BTD: variants seen among roughly 807,000 people sequenced by gnomAD.
BTD encodes the protein biocytinase.
BTD carries 13 observed loss-of-function variants against 17.7 expected under a neutral mutation model. That is an observed-to-expected ratio of 0.74 (90% CI 0.48 to 1.17). BTD has a LOEUF of 1.17. BTD is among the 50% of genes most tolerant of loss of function. The pLI, the probability that BTD is intolerant of heterozygous loss-of-function variation, is 0.00. For missense variants in BTD, 674 were observed against 650.4 expected, an observed-to-expected ratio of 1.04 and a Z score of -0.39; for synonymous variants, 240 against 245.2, an observed-to-expected ratio of 0.98 and a Z score of 0.20.
In BTD at chr3:15,642,041, G is replaced by A. The variant is rs367902696; in HGVS notation, c.383G>A (p.Arg128His). Residue 128 changes from arginine (R) to histidine (H), a missense_variant, in exon 3 of 4, where the codon CGC becomes CAC. Transcript: ENST00000643237. ...VRWNPCLEPH[R>H]FNDTEVLQRL... ...TGGAACCCATGCCTGGAGCCTCACC[G>A]CTTCAATGACACAGAGGTGATTCCT... 8.6e-5 allele frequency: 138 copies of A among 1,614,004 alleles called. No homozygotes were observed. The highest frequency in any genetic ancestry group is 1.0e-4 in the Non-Finnish European group (121 of 1,180,014).
chr3:15,631,744 C>G (rs1176488631), intron 1 of BTD, among the ~76,000 whole-genome samples: 2 of 152,188 alleles, frequency 1.3e-5, no homozygotes, highest in African/African-American at 4.8e-5. Context: ...CCAAGTGTTT[C>G]CTGTCTCCCA....
chr3:15,670,685 AACC>A, intron 3 of BTD: 1 of 969,176 alleles, frequency 1.0e-6, no homozygotes, highest in Non-Finnish European at 1.5e-6. Context: ...AAATTGCTGT[AACC>A]AGCATGATTC....
chr3:15,604,654 C>T (rs908425550), intron 1 of BTD, among the ~76,000 whole-genome samples: 1 of 152,200 alleles, frequency 6.6e-6, no homozygotes, highest in African/African-American at 2.4e-5. Flanking sequence ...GCAGATTTTT[C>T]AAATTTGTAT....
At chr3:15,611,949 A>G (rs1202323689) in intron 1 of BTD, among the ~76,000 whole-genome samples, 2 of 151,366 alleles carry the variant, frequency 1.3e-5, no homozygotes, top group Admixed American at 1.3e-4. Context: ...TTTTTTTCTT[A>G]ATTAGGCTAG....
chr3:15,615,669 C>T (rs1166432471), intron 1 of BTD, among the ~76,000 whole-genome samples: 1 of 152,174 alleles, frequency 6.6e-6, no homozygotes, highest in Non-Finnish European at 1.5e-5. Context: ...TACATATACT[C>T]CCTGTCCTGA....
Position 15,662,871 on chromosome 3 carries a change from T to TA in BTD, c.399+20816dup, listed in dbSNP as rs71045176. Among the ~76,000 whole-genome samples, 3 of 148,472 alleles carry TA rather than the reference T, an allele frequency of 2.0e-5. No individual in the cohort carries two copies. In the Admixed American group the frequency reaches 2.0e-4, roughly 10 times the overall value. Reference sequence around the variant, plus strand: ...GCTGGAGGTTTTTTTTTTTTTTTTTTAATAGATGTTCTTTATCTAGTTGAG... The same window carrying TA: ...GCTGGAGGTTTTTTTTTTTTTTTTTTAAATAGATGTTCTTTATCTAGTTGAG... On this transcript the variant is annotated intron_variant, in intron 3 of 3. Coordinates refer to the BTD transcript ENST00000672141.
intron 3 of BTD, among the ~76,000 whole-genome samples, chr3:15,660,842 A>G (rs1344762970): frequency 6.6e-6 from 1 of 152,146 alleles, no homozygotes; most frequent in Non-Finnish European, 1.5e-5. Flanking sequence ...TGCCTTTTCC[A>G]GCATGCCATA....
Position 15,645,748 on chromosome 3 carries a change from C to A in BTD, c.*260C>A. Reference sequence around the variant, plus strand: ...TTTTTCAAGCCACATCTTCCTCTAACAAATCTCTCAGTATGCGATTGGTCT... The same window carrying A: ...TTTTTCAAGCCACATCTTCCTCTAAAAAATCTCTCAGTATGCGATTGGTCT... On this transcript the variant is annotated 3_prime_UTR_variant, in exon 4 of 4. Coordinates refer to ENST00000643237, the MANE Select transcript of BTD (RefSeq NM_001370658.1). 1 of 464,480 alleles carries A rather than the reference C, an allele frequency of 2.2e-6. No homozygotes were observed. The allele number at this position is 464,480 out of a possible 1,614,324, so 28.8% of individuals were successfully genotyped here.
Position 15,635,551 on chromosome 3 carries a change from T to C in BTD, c.112T>C (p.Tyr38His). ...SVADHHEAEY[Y>H]VAAVYEHPSI... is the part of the protein sequence containing the mutation. Reference sequence around the variant, plus strand: ...GGCTGACCATCACGAGGCTGAATATTATGTGGCTGCCGTGTATGAGCATCC... The same window carrying C: ...GGCTGACCATCACGAGGCTGAATATCATGTGGCTGCCGTGTATGAGCATCC... Residue 38 changes from tyrosine to histidine, a missense_variant, in exon 2 of 4, where the codon TAT becomes CAT. By Grantham distance (83) the Tyr-to-His change is moderately conservative (BLOSUM62 2). Transcript: ENST00000643237. This position sits in a 1 kb window ranked among gnomAD's most constrained non-coding sequence, Gnocchi z 4.1. 6.2e-7 allele frequency: 1 copy of C among 1,614,144 alleles called. No individual in the cohort carries two copies.
intron 1 of BTD, among the ~76,000 whole-genome samples, chr3:15,608,311 T>G (rs111674552): frequency 1.3e-5 from 2 of 151,754 alleles, no homozygotes; most frequent in African/African-American, 4.9e-5. Context: ...GGGTTTTGGG[T>G]TTTTTTGTTT....
intron 2 of BTD, among the ~76,000 whole-genome samples, chr3:15,638,720 A>G (rs184243130): frequency 2.0e-5 from 3 of 152,354 alleles, no homozygotes; most frequent in African/African-American, 7.2e-5. Flanking sequence ...GTCATTGTGC[A>G]TGCATCATAG....
At chr3:15,679,458 C>A (rs2067294495) in intron 3 of BTD, 2 of 1,613,686 alleles carry the variant, frequency 1.2e-6, no homozygotes, top group Non-Finnish European at 8.5e-7. Context: ...AAATCTGATT[C>A]ATTCTGGCTT....
intron 1 of BTD, among the ~76,000 whole-genome samples, chr3:15,610,652 A>G (rs1172261494): frequency 6.6e-6 from 1 of 152,162 alleles, no homozygotes; most frequent in Non-Finnish European, 1.5e-5. Context: ...ATCCCACACT[A>G]TCTTAATTTC....
chr3:15,678,790 T>C (rs947065046), intron 3 of BTD, among the ~76,000 whole-genome samples: 1 of 152,204 alleles, frequency 6.6e-6, no homozygotes, highest in African/African-American at 2.4e-5. Flanking sequence ...CATGTTAAAA[T>C]AGTTTAAAGG....
intron 3 of BTD, among the ~76,000 whole-genome samples, chr3:15,697,602 G>A (rs1237606849): frequency 6.6e-6 from 1 of 152,040 alleles, no homozygotes; most frequent in Non-Finnish European, 1.5e-5. Context: ...GGATGAAGCC[G>A]AGTTGATTGT....
intron 3 of BTD, among the ~76,000 whole-genome samples, chr3:15,695,419 C>T (rs190689215): frequency 6.6e-6 from 1 of 152,158 alleles, no homozygotes; most frequent in Admixed American, 6.5e-5. Flanking sequence ...TGTGAATATC[C>T]ATAACGTAGG....
Position 15,712,050 on chromosome 3 carries a change from G to A in BTD, c.*1976G>A. ...TAAATTATCCATACTGGACCCATCT[G>A]CATTAATTTTTAAAAAGCAGGATAG... is the stretch of plus-strand genomic sequence containing the variant. On this transcript the variant is annotated 3_prime_UTR_variant, in exon 4 of 4. Transcript: ENST00000672141. The A allele has an allele frequency of 4.1e-6, 4 of 982,230 alleles. No homozygotes were observed. In the South Asian group the frequency reaches 4.2e-5, roughly 10 times the overall value. 60.8% of individuals were successfully genotyped at this position (982,230 alleles called of 1,614,324 possible). A position where few individuals can be genotyped will look rare whatever the true frequency, so the allele number is the denominator to read the frequency against.
At chr3:15,643,257 C>T (rs2470527) in intron 3 of BTD, among the ~76,000 whole-genome samples, 152,321 of 152,324 alleles carry the variant, frequency 1, 76,159 homozygotes, top group Middle Eastern at 1. Flanking sequence ...TCCCAGCATT[C>T]TGGGAGGCCA....
chr3:15,601,645 G>A, upstream of BTD: 2 of 1,553,826 alleles, frequency 1.3e-6, no homozygotes, highest in Non-Finnish European at 1.7e-6. Flanking sequence ...CTTCCCGGGA[G>A]AGGTGAGAAT....
Sources: gnomAD v4.1 joint callset for allele counts (sites outside exome capture counted in the v4.1 genomes callset) on GRCh38, gnomAD v4.1.1 for gene constraint, Gnocchi (gnomAD v3.1) non-coding constraint, MANE v1.5 for transcripts, NCBI Gene and HGNC (gene_info 2026-07-23, HGNC 2026-07-21) for gene names.